The following ZRANB2 variants were observed in gnomAD, a reference collection of about 807,000 sequenced individuals.
ZRANB2 encodes the protein zinc finger Ran-binding domain-containing protein 2.
Under a neutral mutation model 53.4 loss-of-function variants are expected in ZRANB2, and 19 were observed. That is an observed-to-expected ratio of 0.36 (90% CI 0.25 to 0.52). The LOEUF is 0.52. Among genes scored for constraint, ZRANB2 ranks in the 20% least tolerant of loss-of-function variants. The probability of loss-of-function intolerance (pLI) is 0.93; values close to 1 mark genes in which losing one functional copy is unlikely to be tolerated. For synonymous variants in ZRANB2, 145 were observed against 134.8 expected (o/e 1.08, Z -0.52); for missense variants, 309 against 401.1 (o/e 0.77, Z 1.96).
chr1:71,072,020 CAG>C (rs1425850123), intron 6 of ZRANB2, 99 bp downstream of exon 6: 2 of 1,468,968 alleles, frequency 1.4e-6, no homozygotes, highest in Non-Finnish European at 1.8e-6. Context: ...AATGAAAACA[CAG>C]AATATATTTT....
At chr1:71,079,492 A>G (rs1476660323) in intron 1 of ZRANB2, among the ~76,000 whole-genome samples, 1 of 152,232 alleles carries the variant, frequency 6.6e-6, no homozygotes, top group Non-Finnish European at 1.5e-5. Context: ...GCATTATACT[A>G]GAATACAATA....
chr1:71,075,374 G>A (rs1324155213), intron 4 of ZRANB2, among the ~76,000 whole-genome samples: 1 of 152,154 alleles, frequency 6.6e-6, no homozygotes, highest in East Asian at 1.9e-4. Flanking sequence ...TCATGAGAAA[G>A]AGATCATTGG....
intron 1 of ZRANB2, 116 bp downstream of exon 1, chr1:71,080,824 G>T: frequency 8.1e-7 from 1 of 1,237,322 alleles, no homozygotes; most frequent in Non-Finnish European, 1.2e-6. Flanking sequence ...CTGGCGGTTC[G>T]CCGCCTCAAC....
intron 8 of ZRANB2, among the ~76,000 whole-genome samples, chr1:71,068,393 CAAAG>C (rs971172628): frequency 2.0e-5 from 3 of 152,058 alleles, no homozygotes; most frequent in Non-Finnish European, 4.4e-5. Flanking sequence ...AACTTAAAAA[CAAAG>C]AGAGCATATT....
intron 3 of ZRANB2, among the ~76,000 whole-genome samples, chr1:71,078,012 T>C (rs1419670343): frequency 6.6e-6 from 1 of 152,172 alleles, no homozygotes; most frequent in Non-Finnish European, 1.5e-5. Context: ...TAAAAATCAT[T>C]AAGAAACCTA....
chr1:71,069,496 A>C, intron 7 of ZRANB2, 134 bp from the exon 8 acceptor site: 1 of 503,036 alleles, frequency 2.0e-6, no homozygotes, highest in South Asian at 4.0e-5. Flanking sequence ...TATACTTTCA[A>C]AACATAGTAT....
intron 8 of ZRANB2, among the ~76,000 whole-genome samples, chr1:71,068,054 G>A (rs1041391983): frequency 5.9e-5 from 9 of 151,874 alleles, no homozygotes; most frequent in Non-Finnish European, 7.4e-5. Flanking sequence ...TTTAGTAGAC[G>A]AGGTCTCACT....
chr1:71,069,130 T>C, intron 8 of ZRANB2, 146 bp downstream of exon 8: 1 of 573,194 alleles, frequency 1.7e-6, no homozygotes, highest in Non-Finnish European at 3.0e-6. Context: ...GGTGAGAAAA[T>C]TAAGCTGAGG....
chr1:71,065,008 C>T lies in ZRANB2; in HGVS notation c.*66G>A, dbSNP rs377531298. 66 of 1,228,926 alleles carry T rather than the reference C, an allele frequency of 5.4e-5. No homozygotes were observed. The highest frequency in any genetic ancestry group is 5.8e-5 in the Admixed American group (3 of 51,340). 76.1% of individuals were successfully genotyped at this position (1,228,926 alleles called of 1,614,324 possible). On this transcript the variant is annotated 3_prime_UTR_variant, in exon 10 of 10. Transcript: ENST00000370920. Reference sequence around the variant, plus strand: ...TTAGCACTTCTGACCAAGTAAGACACCAACTTCTTTAAAAATATGCTTCAT... The same window carrying T: ...TTAGCACTTCTGACCAAGTAAGACATCAACTTCTTTAAAAATATGCTTCAT...
chr1:71,067,461 AATAAAAACTAAC>A, intron 8 of ZRANB2: 1 of 287,108 alleles, frequency 3.5e-6, no homozygotes, highest in East Asian at 1.6e-4. Context: ...TTCAAGAAGA[AATAAAAACTAAC>A]TTTAAGATGA....
chr1:71,074,557 C>G (rs2101048927), intron 4 of ZRANB2, among the ~76,000 whole-genome samples: 1 of 151,958 alleles, frequency 6.6e-6, no homozygotes, highest in East Asian at 1.9e-4. Context: ...ACACCCTGAA[C>G]AATTAATTCA....
At position 71,063,432 on chromosome 1, in the gene ZRANB2, C is replaced by A. The variant is rs566051953; in HGVS notation, c.*1642G>T. On this transcript the variant is annotated 3_prime_UTR_variant, in exon 10 of 10. Transcript: ENST00000370920. ...TAGTTAAACCAAATGAAATCATAATCATCAGAATTGTCTGTAAACTACTAT... is the reference window on the plus strand; with the variant it reads ...TAGTTAAACCAAATGAAATCATAATAATCAGAATTGTCTGTAAACTACTAT... 1.3e-5 allele frequency: 2 copies of A among 152,516 alleles called. No homozygotes were observed. Among genetic ancestry groups the A allele is most frequent in the South Asian group, 4.1e-4 (2 of 4,830 alleles). 9.4% of individuals were successfully genotyped at this position (152,516 alleles called of 1,614,324 possible). A position where few individuals can be genotyped will look rare whatever the true frequency, so the allele number is the denominator to read the frequency against.
chr1:71,080,260 T>C (rs1214546693), intron 1 of ZRANB2, among the ~76,000 whole-genome samples: 3 of 152,026 alleles, frequency 2.0e-5, no homozygotes, highest in Admixed American at 2.0e-4. Context: ...TTGGCAACAA[T>C]GTCAAAAAGC....
chr1:71,080,835 C>T (rs1661829607), intron 1 of ZRANB2, 105 bp downstream of exon 1: 3 of 1,360,758 alleles, frequency 2.2e-6, no homozygotes, highest in Admixed American at 3.4e-5. Flanking sequence ...CCGCCTCAAC[C>T]CGTCTTAAGG....
Position 71,080,773 on chromosome 1 carries a change from T to C in ZRANB2, c.56+167A>G, listed in dbSNP as rs560976907. Reference sequence around the variant, plus strand: ...TAGAACAAAGGCTCCCGGAAAGACCTCTCTCGTGAGGAGATTGGGAGCCTT... The same window carrying C: ...TAGAACAAAGGCTCCCGGAAAGACCCCTCTCGTGAGGAGATTGGGAGCCTT... On this transcript the variant is annotated intron_variant, in intron 1 of 9. Coordinates refer to ENST00000370920, the MANE Select transcript of ZRANB2 (RefSeq NM_203350.3). Among the ~76,000 whole-genome samples the C allele has an allele frequency of 3.3e-5, 5 of 152,258 alleles. No homozygotes were observed. In the East Asian group the frequency reaches 9.7e-4, roughly 29 times the overall value.
chr1:71,078,608 A>G, intron 2 of ZRANB2, 43 bp from the exon 3 acceptor site: 3 of 1,610,032 alleles, frequency 1.9e-6, no homozygotes, highest in African/African-American at 1.3e-5. Flanking sequence ...GGAGAAATAA[A>G]TAAATGATAC....
At chr1:71,080,696 A>C (rs1557796456) in intron 1 of ZRANB2, among the ~76,000 whole-genome samples, 1 of 152,036 alleles carries the variant, frequency 6.6e-6, no homozygotes, top group Non-Finnish European at 1.5e-5. Flanking sequence ...CGCACTCTAA[A>C]AAGAGAGGCT....
At chr1:71,065,841 GT>G in intron 9 of ZRANB2, 1 of 1,564,838 alleles carries the variant, frequency 6.4e-7, no homozygotes, top group Non-Finnish European at 8.7e-7. Flanking sequence ...TGCAGAAGTG[GT>G]AAGAAAGCAA....
At chr1:71,076,695 C>G (rs1661718200) in intron 4 of ZRANB2, 100 bp downstream of exon 4, 1 of 873,474 alleles carries the variant, frequency 1.1e-6, no homozygotes. Context: ...TAAACAGAAT[C>G]CTCACTTACT....
Sources: allele counts gnomAD v4.1 joint callset (sites outside exome capture counted in the v4.1 genomes callset), GRCh38; gene constraint gnomAD v4.1.1; transcripts MANE v1.5; gene names NCBI Gene and HGNC (gene_info 2026-07-23, HGNC 2026-07-21).